DPYSL2: variants seen among roughly 807,000 people sequenced by gnomAD.
DPYSL2 encodes dihydropyrimidinase like 2.
Under a neutral mutation model 69.9 loss-of-function variants are expected in DPYSL2, and 13 were observed. The ratio of observed to expected loss-of-function variants is 0.19; its 90% CI spans 0.12 to 0.30. The LOEUF is 0.30. Ranked by LOEUF, DPYSL2 falls within the 10% of genes least tolerant of loss-of-function variation. The probability of loss-of-function intolerance (pLI) is 1.00; values close to 1 mark genes in which losing one functional copy is unlikely to be tolerated. For missense variants in DPYSL2, 587 were observed against 918.9 expected (o/e 0.64, Z 4.67); for synonymous variants, 326 against 359.1 (o/e 0.91, Z 1.04).
intron 1 of DPYSL2, among the ~76,000 whole-genome samples, chr8:26,566,281 T>G (rs1311314400): frequency 6.6e-6 from 1 of 152,094 alleles, no homozygotes; most frequent in Non-Finnish European, 1.5e-5. Flanking sequence ...AGGCTCTGGT[T>G]GATGACTCTT....
In DPYSL2 at chr8:26,653,309, C is replaced by T; in HGVS notation, c.1854C>T (p.Val618=). The part of the protein sequence containing the change: ...VCEVSVTPKT[V]TPASSAKTSP... Reference sequence around the variant, plus strand: ...AAGTGTCTGTGACGCCCAAGACAGTCACTCCAGCCTCCTCGGCCAAGACGT... The same window carrying T: ...AAGTGTCTGTGACGCCCAAGACAGTTACTCCAGCCTCCTCGGCCAAGACGT... The change falls in exon 13 of 14, where the codon GTC becomes GTT. Residue 618 remains valine, a synonymous_variant. Transcript: ENST00000521913. This position sits in a 1 kb window ranked among gnomAD's most constrained non-coding sequence, Gnocchi z 5.7. 2 of 1,614,162 alleles carry T rather than the reference C, an allele frequency of 1.2e-6. No individual in the cohort carries two copies. The highest frequency in any genetic ancestry group is 1.7e-6 in the Non-Finnish European group (2 of 1,180,040).
chr8:26,545,465 G>A (rs1800751944), intron 1 of DPYSL2, among the ~76,000 whole-genome samples: 1 of 152,188 alleles, frequency 6.6e-6, no homozygotes, highest in Admixed American at 6.5e-5. Context: ...GCGAGGCGCA[G>A]TGGCTCACGC....
Position 26,643,355 on chromosome 8 carries a change from C to T in DPYSL2, c.1127-84C>T, listed in dbSNP as rs575924428. 18 of 1,442,914 alleles carry T rather than the reference C, an allele frequency of 1.2e-5. 1 individual carries two copies. The East Asian group carries it at 4.0e-4, about 32-fold the overall frequency. The allele number at this position is 1,442,914 out of a possible 1,614,324, so 89.4% of individuals were successfully genotyped here. On this transcript the variant is annotated intron_variant, in intron 8 of 13. Coordinates refer to ENST00000521913, the MANE Select transcript of DPYSL2 (RefSeq NM_001197293.3). The surrounding 1 kb of genome is among the most constrained non-coding windows in gnomAD (Gnocchi z 6.5). The stretch of plus-strand genomic sequence containing the variant: ...GGGATAGTGAGTGCACTGGGTGCTG[C>T]TGGGCAGGCAGTGGCTCCTCATAGG...
At chr8:26,618,778 CAAAAAAAAAA>C (rs71216765) in intron 3 of DPYSL2, among the ~76,000 whole-genome samples, 2 of 85,182 alleles carry the variant, frequency 2.3e-5, no homozygotes, top group Non-Finnish European at 4.4e-5. Flanking sequence ...CCATCTCTAC[CAAAAAAAAAA>C]AAAAAAAAAA....
chr8:26,526,091 G>A (rs934540863), intron 1 of DPYSL2, among the ~76,000 whole-genome samples: 1 of 151,884 alleles, frequency 6.6e-6, no homozygotes, highest in Non-Finnish European at 1.5e-5. Flanking sequence ...AGACTCTGGG[G>A]TTTATTTTAT....
chr8:26,573,427 G>T (rs952135368), intron 1 of DPYSL2, among the ~76,000 whole-genome samples: 24 of 152,080 alleles, frequency 1.6e-4, no homozygotes, highest in Admixed American at 1.4e-3. Context: ...CCAGCACTTT[G>T]GGGGGCTGAG....
chr8:26,556,437 C>G (rs569943571), intron 1 of DPYSL2, among the ~76,000 whole-genome samples: 56 of 124,488 alleles, frequency 4.5e-4, no homozygotes, highest in Non-Finnish European at 8.2e-4. Flanking sequence ...TAATAAATCC[C>G]GAAGAATCAA....
chr8:26,599,511 A>G (rs925748932), intron 3 of DPYSL2, among the ~76,000 whole-genome samples: 50 of 151,922 alleles, frequency 3.3e-4, no homozygotes, highest in African/African-American at 1.1e-3. Context: ...AAGAAAGAAA[A>G]TTTCTGAGTA....
At chr8:26,556,771 G>A (rs1486969494) in intron 1 of DPYSL2, among the ~76,000 whole-genome samples, 2 of 152,008 alleles carry the variant, frequency 1.3e-5, no homozygotes, top group African/African-American at 2.4e-5. Context: ...AGAAGCAAAG[G>A]AGTTCAGAAT....
Position 26,514,746 on chromosome 8 carries a change from A to T in DPYSL2, c.354+67A>T. 7.7e-7 allele frequency: 1 copy of T among 1,302,872 alleles called. No individual in the cohort carries two copies. Among genetic ancestry groups the T allele is most frequent in the Admixed American group, 3.9e-5 (1 of 25,750 alleles). The allele number at this position is 1,302,872 out of a possible 1,614,324, so 80.7% of individuals were successfully genotyped here. ...GGGGATCGCCCCTCCCTCGCCCCTGAGCCCGGCGCGCCCGCCTTCATGCCC... is the reference window on the plus strand; with the variant it reads ...GGGGATCGCCCCTCCCTCGCCCCTGTGCCCGGCGCGCCCGCCTTCATGCCC... On this transcript the variant is annotated intron_variant, in intron 1 of 13. Transcript: ENST00000521913. The surrounding 1 kb of genome is among the most constrained non-coding windows in gnomAD (Gnocchi z 8.4).
chr8:26,536,886 A>T (rs891098490), intron 1 of DPYSL2, among the ~76,000 whole-genome samples: 5 of 152,220 alleles, frequency 3.3e-5, no homozygotes, highest in Non-Finnish European at 7.3e-5. Context: ...TGGGAAAGGC[A>T]GTGAGAGAAT....
At chr8:26,629,212 CAGGT>C (rs200664892) in intron 7 of DPYSL2, among the ~76,000 whole-genome samples, 3,240 of 152,182 alleles carry the variant, frequency 0.021, 104 homozygotes, top group African/African-American at 0.072. Flanking sequence ...CACACGCAGA[CAGGT>C]AGGCACACAA....
At chr8:26,531,317 G>C (rs1462959288) in intron 1 of DPYSL2, among the ~76,000 whole-genome samples, 1 of 152,114 alleles carries the variant, frequency 6.6e-6, no homozygotes, top group African/African-American at 2.4e-5. Context: ...GGGGGCTCAT[G>C]GAAGTTCCCA....
chr8:26,533,611 T>C lies in DPYSL2; in HGVS notation c.354+18932T>C, dbSNP rs1800545047. Among the ~76,000 whole-genome samples the C allele has an allele frequency of 6.6e-6, 1 of 152,216 alleles. No homozygotes were observed. Among genetic ancestry groups the C allele is most frequent in the African/African-American group, 2.4e-5 (1 of 41,448 alleles). ...TGTCCAGTTGTCCCAGCTCCATTTA[T>C]TGATTAGCAAAAGCATTTTAGGAGA... On this transcript the variant is annotated intron_variant, in intron 1 of 13. Coordinates refer to ENST00000521913, the MANE Select transcript of DPYSL2 (RefSeq NM_001197293.3). This position sits in a 1 kb window ranked among gnomAD's most constrained non-coding sequence, Gnocchi z 4.8.
Position 26,624,202 on chromosome 8 carries a change from G to A in DPYSL2, c.688G>A (p.Glu230Lys). ...SLLAAFDQWR[E>K]WADSKSCCDY... ...GCTCGCTGCCTTTGACCAGTGGAGG[G>A]AATGGGCCGACAGCAAGTCCTGCTG... Residue 230 changes from glutamate (E) to lysine (K), a missense_variant, in exon 4 of 14, where the codon GAA (glutamate) becomes AAA (lysine). Transcript: ENST00000521913. This position sits in a 1 kb window ranked among gnomAD's most constrained non-coding sequence, Gnocchi z 4.7. 1 of 1,614,196 alleles carries A rather than the reference G, an allele frequency of 6.2e-7. No individual in the cohort carries two copies. The highest frequency in any genetic ancestry group is 8.5e-7 in the Non-Finnish European group (1 of 1,180,044).
rs943101908 is a variant in DPYSL2, at chr8:26,610,507, C to T, written c.629-13636C>T. ...ACAGATTTGTCTTGTTTGTTTGGGT[C>T]GTATGCAGTTTCATGCAGAAGACTT... On this transcript the variant is annotated intron_variant, in intron 3 of 13. Transcript: ENST00000521913. The surrounding 1 kb of genome is among the most constrained non-coding windows in gnomAD (Gnocchi z 4.5). Among the ~76,000 whole-genome samples, 3 of 152,184 alleles carry T rather than the reference C, an allele frequency of 2.0e-5. No individual in the cohort carries two copies. Among genetic ancestry groups the T allele is most frequent in the Middle Eastern group, 3.4e-3 (1 of 294 alleles).
chr8:26,536,923 T>A (rs1800600960), intron 1 of DPYSL2, among the ~76,000 whole-genome samples: 1 of 152,134 alleles, frequency 6.6e-6, no homozygotes, highest in South Asian at 2.1e-4. Context: ...ATGAGCTACA[T>A]CTTGACTCGG....
At chr8:26,563,262 T>C (rs6991812) in intron 1 of DPYSL2, among the ~76,000 whole-genome samples, 15,560 of 152,216 alleles carry the variant, frequency 0.1, 882 homozygotes, top group Non-Finnish European at 0.12. Context: ...TCCCAAAACA[T>C]TCCACCTCAT....
In DPYSL2 at chr8:26,597,524, G is replaced by A. The variant is rs1189674432; in HGVS notation, c.628+13541G>A. On this transcript the variant is annotated intron_variant, in intron 3 of 13. Transcript: ENST00000521913. The surrounding 1 kb of genome is among the most constrained non-coding windows in gnomAD (Gnocchi z 5.2). ...GAGTCTCCCTCCGTTGCCTAGGCTG[G>A]AATGCAGTGGCTTGATCTCAGCTCA... is the stretch of plus-strand genomic sequence containing the variant. Among the ~76,000 whole-genome samples, 2 of 152,156 alleles carry A rather than the reference G, an allele frequency of 1.3e-5. No homozygotes were observed. The highest frequency in any genetic ancestry group is 6.5e-5 in the Admixed American group (1 of 15,292).
Sources: allele counts gnomAD v4.1 joint callset (sites outside exome capture counted in the v4.1 genomes callset), GRCh38; gene constraint gnomAD v4.1.1; non-coding constraint Gnocchi (gnomAD v3.1); transcripts MANE v1.5; gene names NCBI Gene and HGNC (gene_info 2026-07-23, HGNC 2026-07-21).